PAQR5: variants seen among roughly 807,000 people sequenced by gnomAD.
PAQR5 encodes the protein membrane progestin receptor gamma.
Under a neutral mutation model 34.5 loss-of-function variants are expected in PAQR5, and 20 were observed. The ratio of observed to expected loss-of-function variants is 0.58; its 90% CI spans 0.41 to 0.84. The LOEUF is 0.84. Among genes scored for constraint, PAQR5 ranks in the 40% least tolerant of loss-of-function variants. The pLI, the probability that PAQR5 is intolerant of heterozygous loss-of-function variation, is 0.00. For synonymous variants in PAQR5, 131 were observed against 155.6 expected (o/e 0.84, Z 1.18); for missense variants, 378 against 412.7 (o/e 0.92, Z 0.73).
chr15:69,329,033 A>G (rs2054317797), intron 1 of PAQR5, among the ~76,000 whole-genome samples: 1 of 152,234 alleles, frequency 6.6e-6, no homozygotes, highest in Admixed American at 6.5e-5. Flanking sequence ...ACGCCAACAA[A>G]TCCTGCCCTG....
chr15:69,307,188 G>T (rs1333596927), intron 1 of PAQR5, among the ~76,000 whole-genome samples: 1 of 151,300 alleles, frequency 6.6e-6, no homozygotes, highest in South Asian at 2.1e-4. Context: ...TCCACCTCCC[G>T]TTATATACCA....
At chr15:69,368,909 C>T (rs2055478350) in intron 3 of PAQR5, among the ~76,000 whole-genome samples, 1 of 152,028 alleles carries the variant, frequency 6.6e-6, no homozygotes, top group Non-Finnish European at 1.5e-5. Context: ...GGAACTACAG[C>T]TGTGCTCCAC....
At chr15:69,373,698 G>A (rs1243657695) in intron 3 of PAQR5, among the ~76,000 whole-genome samples, 1 of 152,134 alleles carries the variant, frequency 6.6e-6, no homozygotes, top group Non-Finnish European at 1.5e-5. Flanking sequence ...CTGCCTCCCA[G>A]GTTCAAGTGA....
At chr15:69,328,039 C>G (rs1454245401) in intron 1 of PAQR5, among the ~76,000 whole-genome samples, 1 of 152,128 alleles carries the variant, frequency 6.6e-6, no homozygotes, top group Non-Finnish European at 1.5e-5. Flanking sequence ...CCTCAGCCTC[C>G]CAAAGTGCTG....
intron 3 of PAQR5, among the ~76,000 whole-genome samples, chr15:69,362,020 T>C (rs2055247874): frequency 6.6e-6 from 1 of 152,050 alleles, no homozygotes; most frequent in Non-Finnish European, 1.5e-5. Context: ...GATATCTTTC[T>C]GGACATTTTG....
intron 1 of PAQR5, among the ~76,000 whole-genome samples, chr15:69,327,903 C>A (rs556854291): frequency 3.9e-5 from 6 of 152,182 alleles, no homozygotes; most frequent in African/African-American, 1.2e-4. Context: ...CTCAGCCTCC[C>A]GAGTAGTTGG....
intron 2 of PAQR5, among the ~76,000 whole-genome samples, chr15:69,353,681 C>T (rs2054984526): frequency 6.6e-6 from 1 of 152,172 alleles, no homozygotes; most frequent in South Asian, 2.1e-4. Context: ...TTCACAGGTG[C>T]AGGAATCAAA....
chr15:69,379,918 C>G lies in PAQR5; in HGVS notation c.87C>G (p.Arg29=), dbSNP rs763682967. The G allele has an allele frequency of 3.1e-6, 5 of 1,614,072 alleles. No individual in the cohort carries two copies. In the African/African-American group the frequency reaches 6.7e-5, roughly 22 times the overall value. ...FHEQGILFGY[R]HPQSSATACI... is the part of the protein sequence containing the mutation. ...AGCAAGGCATCCTGTTCGGCTACCG[C>G]CATCCACAGAGTTCTGCCACTGCCT... The change falls in exon 4 of 9, where the codon CGC becomes CGG. Residue 29 remains arginine, a synonymous_variant. Coordinates refer to ENST00000395407, the MANE Select transcript of PAQR5 (RefSeq NM_017705.4).
At position 69,322,774 on chromosome 15, in the gene PAQR5, G is replaced by GGA. The variant is rs2054148035; in HGVS notation, c.-276-14567_-276-14566insGA. On this transcript the variant is annotated intron_variant, in intron 1 of 8. Coordinates refer to ENST00000395407, the MANE Select transcript of PAQR5 (RefSeq NM_017705.4). ...GAAGAAGAAGAAGAAGAAGAAGAGG[G>GGA]AGAAGAAGAAGACGAGGAAGAAGAA... Among the ~76,000 whole-genome samples the GGA allele has an allele frequency of 6.2e-5, 2 of 32,424 alleles. 1 individual carries two copies. The highest frequency in any genetic ancestry group is 1.1e-4 in the Non-Finnish European group (2 of 18,930). The allele number at this position is 32,424 out of a possible 152,430, so 21.3% of individuals were successfully genotyped here. A position where few individuals can be genotyped will look rare whatever the true frequency, so the allele number is the denominator to read the frequency against.
chr15:69,332,398 T>C (rs138082979), intron 1 of PAQR5, among the ~76,000 whole-genome samples: 29 of 152,288 alleles, frequency 1.9e-4, no homozygotes, highest in African/African-American at 6.7e-4. Flanking sequence ...CTTTTGACCA[T>C]GTGGGGATAC....
chr15:69,377,491 T>C (rs569383507), intron 3 of PAQR5, among the ~76,000 whole-genome samples: 32 of 152,368 alleles, frequency 2.1e-4, no homozygotes, highest in African/African-American at 6.5e-4. Context: ...TCATTTTAAT[T>C]ACCTAAGACC....
intron 2 of PAQR5, among the ~76,000 whole-genome samples, chr15:69,356,537 C>T (rs920951636): frequency 1.3e-5 from 2 of 152,126 alleles, no homozygotes; most frequent in African/African-American, 4.8e-5. Flanking sequence ...AGCTCAGTGG[C>T]ATTAAGTACG....
intron 7 of PAQR5, among the ~76,000 whole-genome samples, chr15:69,398,833 AG>A (rs1235144750): frequency 1.3e-5 from 2 of 152,188 alleles, no homozygotes; most frequent in African/African-American, 4.8e-5. Context: ...GCTGAGTCAG[AG>A]GAGGGCAGAG....
At position 69,404,994 on chromosome 15, in the gene PAQR5, A is replaced by G. The variant is rs2140285587; in HGVS notation, c.*1172A>G. ...ACATGTTCCAAAAGGCATTAGACCT[A>G]TCAGCTTTGTTTCGCCTGATCTCAA... On this transcript the variant is annotated 3_prime_UTR_variant, in exon 9 of 9. Coordinates refer to ENST00000395407, the MANE Select transcript of PAQR5 (RefSeq NM_017705.4). 1.3e-5 allele frequency: 5 copies of G among 398,650 alleles called. No individual in the cohort carries two copies. The East Asian group carries it at 1.4e-4, about 11-fold the overall frequency. 24.7% of individuals were successfully genotyped at this position (398,650 alleles called of 1,614,324 possible).
At chr15:69,366,932 T>C (rs528795740) in intron 3 of PAQR5, among the ~76,000 whole-genome samples, 1 of 152,244 alleles carries the variant, frequency 6.6e-6, no homozygotes, top group East Asian at 1.9e-4. Flanking sequence ...GATTTTGTAG[T>C]GATTATCTTT....
At chr15:69,335,380 G>A (rs1290483716) in intron 1 of PAQR5, among the ~76,000 whole-genome samples, 1 of 149,978 alleles carries the variant, frequency 6.7e-6, no homozygotes, top group Admixed American at 6.7e-5. Context: ...CAAGTAGCTG[G>A]GATTACAGGC....
At chr15:69,379,176 CATT>C (rs2055808202) in intron 3 of PAQR5, among the ~76,000 whole-genome samples, 1 of 152,140 alleles carries the variant, frequency 6.6e-6, no homozygotes, top group Non-Finnish European at 1.5e-5. Context: ...CCTCTGGCCT[CATT>C]ATCTTCTCAC....
intron 1 of PAQR5, among the ~76,000 whole-genome samples, chr15:69,318,448 G>C (rs1388806659): frequency 6.6e-6 from 1 of 152,178 alleles, no homozygotes; most frequent in African/African-American, 2.4e-5. Flanking sequence ...GGTCCACTGG[G>C]TATGTCTTGT....
chr15:69,300,595 TTC>T (rs907681131), intron 1 of PAQR5, among the ~76,000 whole-genome samples: 9 of 13,098 alleles, frequency 6.9e-4, no homozygotes, highest in African/African-American at 1.7e-3. Flanking sequence ...CTTTCCTTCT[TTC>T]TTTCTTTCTT....
Sources: gnomAD v4.1 joint callset for allele counts (sites outside exome capture counted in the v4.1 genomes callset) on GRCh38, gnomAD v4.1.1 for gene constraint, MANE v1.5 for transcripts, NCBI Gene and HGNC (gene_info 2026-07-23, HGNC 2026-07-21) for gene names.